MGAT4D: variants seen among roughly 807,000 people sequenced by gnomAD.
The protein encoded by MGAT4D is MGAT4 family member D.
In MGAT4D, 34 loss-of-function variants were observed where a neutral mutation model predicts 15.9. The ratio of observed to expected loss-of-function variants is 2.14; its 90% CI spans 1.62 to 2.84. The LOEUF (loss-of-function observed/expected upper bound fraction) is 2.84, where lower values mean the gene tolerates loss of function less well. Among genes scored for constraint, MGAT4D ranks in the 30% most tolerant of loss-of-function variants. The probability of loss-of-function intolerance (pLI) is 0.00; values close to 1 mark genes in which losing one functional copy is unlikely to be tolerated. For synonymous variants in MGAT4D, 112 were observed against 48.2 expected (o/e 2.33, Z -5.49); for missense variants, 327 against 140.2 (o/e 2.33, Z -6.73).
intron 9 of MGAT4D, among the ~76,000 whole-genome samples, chr4:140,455,254 A>T (rs1730725474): frequency 6.6e-6 from 1 of 152,190 alleles, no homozygotes; most frequent in African/African-American, 2.4e-5. Flanking sequence ...GCTGCATTCC[A>T]GAAGCGTTGT....
intron 4 of MGAT4D, among the ~76,000 whole-genome samples, chr4:140,472,260 G>A (rs1161721026): frequency 6.6e-6 from 1 of 152,020 alleles, no homozygotes; most frequent in African/African-American, 2.4e-5. Flanking sequence ...TATTTCTCCA[G>A]ACAGTATTAC....
At chr4:140,487,319 C>T (rs1408183346) in intron 1 of MGAT4D, among the ~76,000 whole-genome samples, 2 of 152,182 alleles carry the variant, frequency 1.3e-5, no homozygotes, top group African/African-American at 4.8e-5. Flanking sequence ...AACACCAGTT[C>T]AAGTGTGCAA....
At chr4:140,470,274 G>A (rs909876609) in intron 5 of MGAT4D, among the ~76,000 whole-genome samples, 1 of 152,186 alleles carries the variant, frequency 6.6e-6, no homozygotes, top group Admixed American at 6.5e-5. Context: ...TCCTCGTAAA[G>A]TTCCCCCAAC....
chr4:140,444,810 A>G (rs1020141094), intron 10 of MGAT4D, among the ~76,000 whole-genome samples: 1 of 151,912 alleles, frequency 6.6e-6, no homozygotes, highest in Admixed American at 6.6e-5. Context: ...ATGATGATTG[A>G]ACTAATTTAC....
chr4:140,470,012 G>T lies in MGAT4D; in HGVS notation c.572+1763C>A, dbSNP rs151184592. Among the ~76,000 whole-genome samples, 84 of 152,320 alleles carry T rather than the reference G, an allele frequency of 5.5e-4. No individual in the cohort carries two copies. The Middle Eastern group carries it at 0.01, about 19-fold the overall frequency. On this transcript the variant is annotated intron_variant, in intron 5 of 10. Coordinates refer to ENST00000511113, the MANE Select transcript of MGAT4D (RefSeq NM_001277353.2). ...AGTGACAAGAGCCTGGAAGGCGGTC[G>T]AAGCCAAGGATGCGCCTCCTCTTTC...
At chr4:140,471,227 T>TTACCTTCCTTCCTTCC (rs1225560660) in intron 5 of MGAT4D, among the ~76,000 whole-genome samples, 45 of 133,686 alleles carry the variant, frequency 3.4e-4, no homozygotes, top group Non-Finnish European at 5.0e-4. Context: ...CTCCTTTTTG[T>TTACCTTCCTTCCTTCC]TTCCTTCCTT....
Position 140,451,451 on chromosome 4 carries a change from C to A in MGAT4D, c.1075G>T (p.Gly359Cys). 1 of 630,108 alleles carries A rather than the reference C, an allele frequency of 1.6e-6. No homozygotes were observed. The highest frequency in any genetic ancestry group is 2.9e-5 in the East Asian group (1 of 34,986). The allele number at this position is 630,108 out of a possible 1,614,324, so 39.0% of individuals were successfully genotyped here. Residue 359 changes from glycine to cysteine, a missense_variant, in exon 10 of 11, where the codon GGT becomes TGT. By Grantham distance (159) the Gly-to-Cys change is radical (BLOSUM62 -3). Transcript: ENST00000511113. ...QYKPSLFQHV[G>C]IHSSFPRKEQ... ...TTTCTAGGGAATGATGAATGTATAC[C>A]CACATGCTGGAAAAGAGAAGGTTTA...
intron 9 of MGAT4D, among the ~76,000 whole-genome samples, chr4:140,455,076 G>A (rs1028424903): frequency 2.6e-5 from 4 of 151,918 alleles, no homozygotes; most frequent in African/African-American, 9.7e-5. Flanking sequence ...TAATTTTGCT[G>A]TTTTCTTTTA....
chr4:140,454,331 T>A (rs1730661829), intron 9 of MGAT4D, among the ~76,000 whole-genome samples: 1 of 152,208 alleles, frequency 6.6e-6, no homozygotes, highest in South Asian at 2.1e-4. Context: ...TTTTGAATTT[T>A]GTCAAATGAT....
At chr4:140,493,356 T>C (rs1733629576) in intron 1 of MGAT4D, among the ~76,000 whole-genome samples, 2 of 148,384 alleles carry the variant, frequency 1.3e-5, no homozygotes, top group South Asian at 2.2e-4. Flanking sequence ...AGTGCAGTGG[T>C]GCGATCTCGG....
intron 3 of MGAT4D, among the ~76,000 whole-genome samples, chr4:140,475,813 T>C (rs942066574): frequency 2.1e-5 from 3 of 140,812 alleles, no homozygotes; most frequent in Admixed American, 1.4e-4. Flanking sequence ...CTTTCTTTTT[T>C]TTTTTTTTTT....
intron 10 of MGAT4D, among the ~76,000 whole-genome samples, chr4:140,451,155 T>C (rs1252609583): frequency 1.3e-5 from 2 of 152,158 alleles, no homozygotes; most frequent in Non-Finnish European, 2.9e-5. Flanking sequence ...CTTCTTAAAA[T>C]TGCACAACTG....
intron 1 of MGAT4D, among the ~76,000 whole-genome samples, chr4:140,483,721 C>T (rs1477037249): frequency 6.6e-6 from 1 of 152,084 alleles, no homozygotes; most frequent in African/African-American, 2.4e-5. Context: ...TTTACAGTAA[C>T]TTGATCTTTG....
chr4:140,497,602 T>G (rs548749668), intron 1 of MGAT4D, among the ~76,000 whole-genome samples: 2 of 152,278 alleles, frequency 1.3e-5, no homozygotes, highest in African/African-American at 4.8e-5. Context: ...GCCGGCGCTG[T>G]AGGTGGTCAG....
intron 4 of MGAT4D, among the ~76,000 whole-genome samples, chr4:140,472,297 G>A (rs933161391): frequency 6.6e-6 from 1 of 152,042 alleles, no homozygotes; most frequent in Non-Finnish European, 1.5e-5. Flanking sequence ...TTGCCTTCCT[G>A]ACAATAAACT....
intron 10 of MGAT4D, among the ~76,000 whole-genome samples, chr4:140,443,771 C>T (rs945431807): frequency 1.3e-5 from 2 of 151,906 alleles, no homozygotes; most frequent in African/African-American, 2.4e-5. Flanking sequence ...TAGTTTAAAA[C>T]ATTTATTTTA....
intron 1 of MGAT4D, among the ~76,000 whole-genome samples, chr4:140,486,444 A>G (rs1733138275): frequency 6.6e-6 from 1 of 151,960 alleles, no homozygotes; most frequent in Admixed American, 6.6e-5. Flanking sequence ...GCACACATCA[A>G]CCTGTCATCT....
chr4:140,451,898 T>C (rs1730494068), intron 9 of MGAT4D, among the ~76,000 whole-genome samples: 1 of 151,900 alleles, frequency 6.6e-6, no homozygotes, highest in Non-Finnish European at 1.5e-5. Context: ...CTTTATTGAA[T>C]TATATCACCT....
rs1231706870 is a variant in MGAT4D at position 140,464,966 on chromosome 4, T to C, written c.616A>G (p.Ile206Val). 1 of 702,842 alleles carries C rather than the reference T, an allele frequency of 1.4e-6. No homozygotes were observed. Among genetic ancestry groups the C allele is most frequent in the South Asian group, 1.5e-5 (1 of 67,584 alleles). 43.5% of individuals were successfully genotyped at this position (702,842 alleles called of 1,614,324 possible). Residue 206 changes from isoleucine (I) to valine (V), a missense_variant, in exon 6 of 11, where the codon ATA becomes GTA. Ile to Val is a conservative substitution (Grantham distance 29, BLOSUM62 3). Transcript: ENST00000511113. The part of the protein sequence containing the change: ...VRSGSLEVIS[I>V]PAFLYSSMLN... ...ATGCTTGAGTATAAAAAGGCAGGTA[T>C]TGAAATGACCTCTAAGGATCCAGAC...
Sources: allele counts gnomAD v4.1 joint callset (sites outside exome capture counted in the v4.1 genomes callset), GRCh38; gene constraint gnomAD v4.1.1; transcripts MANE v1.5; gene names NCBI Gene and HGNC (gene_info 2026-07-23, HGNC 2026-07-21).